ABCA4: variants seen among roughly 807,000 people sequenced by gnomAD.
ABCA4 encodes the protein retinal-specific phospholipid-transporting ATPase ABCA4.
ABCA4 carries 196 observed loss-of-function variants against 263.7 expected under a neutral mutation model. That is an observed-to-expected ratio of 0.74 (90% CI 0.66 to 0.84). The LOEUF (loss-of-function observed/expected upper bound fraction) is 0.84. Ranked by LOEUF, ABCA4 falls within the 40% of genes least tolerant of loss-of-function variation. ABCA4 has a pLI of 0.00. For missense variants in ABCA4, 2,792 were observed against 2,855.1 expected (o/e 0.98, Z 0.50); for synonymous variants, 1,133 against 1,094.2 (o/e 1.04, Z -0.70).
chr1:94,033,085 G>A (rs1196515964), intron 26 of ABCA4, among the ~76,000 whole-genome samples: 1 of 152,146 alleles, frequency 6.6e-6, no homozygotes, highest in Non-Finnish European at 1.5e-5. Flanking sequence ...TAAATTTGGG[G>A]AAGTGACTCA....
intron 38 of ABCA4, among the ~76,000 whole-genome samples, chr1:94,012,131 G>A (rs959492858): frequency 2.6e-4 from 39 of 152,154 alleles, no homozygotes; most frequent in African/African-American, 8.4e-4. Context: ...GGCCACTGCT[G>A]TCCATTCCAT....
intron 4 of ABCA4, among the ~76,000 whole-genome samples, chr1:94,107,942 T>G (rs553545200): frequency 6.3e-4 from 96 of 152,148 alleles, no homozygotes; most frequent in African/African-American, 2.2e-3. Flanking sequence ...TCATCTGCCT[T>G]CTCATCCTTC....
At chr1:94,090,501 C>T (rs1404161241) in intron 6 of ABCA4, among the ~76,000 whole-genome samples, 1 of 152,102 alleles carries the variant, frequency 6.6e-6, no homozygotes, top group Non-Finnish European at 1.5e-5. Context: ...TCACTCTACC[C>T]CTACTGGCCA....
intron 47 of ABCA4, among the ~76,000 whole-genome samples, chr1:93,999,040 C>A (rs1453763536): frequency 1.3e-5 from 2 of 148,666 alleles, no homozygotes; most frequent in Middle Eastern, 3.7e-3. Context: ...CATGAGCCAC[C>A]ACGCCCAGCC....
intron 1 of ABCA4, among the ~76,000 whole-genome samples, chr1:94,115,875 T>C (rs1360519949): frequency 6.6e-6 from 1 of 152,144 alleles, no homozygotes; most frequent in Non-Finnish European, 1.5e-5. Context: ...AACTCCCCAG[T>C]TGCCAACTTG....
At chr1:94,022,725 G>A (rs1413676201) in intron 32 of ABCA4, among the ~76,000 whole-genome samples, 1 of 152,204 alleles carries the variant, frequency 6.6e-6, no homozygotes, top group East Asian at 1.9e-4. Flanking sequence ...CAGAGGAGGA[G>A]CTCTTTCTCA....
intron 6 of ABCA4, among the ~76,000 whole-genome samples, chr1:94,097,252 C>G (rs904610453): frequency 2.0e-5 from 3 of 152,122 alleles, no homozygotes; most frequent in Non-Finnish European, 4.4e-5. Flanking sequence ...CCCACCCTGA[C>G]GAGCTGGGAA....
chr1:94,070,534 A>G (rs1661374625), intron 11 of ABCA4, among the ~76,000 whole-genome samples: 1 of 152,220 alleles, frequency 6.6e-6, no homozygotes, highest in Admixed American at 6.5e-5. Flanking sequence ...ATGAGCGTCT[A>G]TTCTATGTGA....
chr1:94,088,040 T>C (rs943980424), intron 6 of ABCA4, among the ~76,000 whole-genome samples: 4 of 152,156 alleles, frequency 2.6e-5, no homozygotes, highest in Admixed American at 6.5e-5. Context: ...ATTCCCACAT[T>C]CTTTTAAGCA....
At position 94,021,259 on chromosome 1, in the gene ABCA4, G is replaced by T. The variant is rs61753018; in HGVS notation, c.4999C>A (p.Gln1667Lys). 1 of 1,614,114 alleles carries T rather than the reference G, an allele frequency of 6.2e-7. No homozygotes were observed. Among genetic ancestry groups the T allele is most frequent in the Non-Finnish European group, 8.5e-7 (1 of 1,180,042 alleles). Residue 1667 changes from glutamine to lysine, a missense_variant, in exon 35 of 50, where the codon CAG (glutamine) becomes AAG (lysine). Gln to Lys is a moderately conservative substitution (Grantham distance 53, BLOSUM62 1). Coordinates refer to ENST00000370225, the MANE Select transcript of ABCA4 (RefSeq NM_000350.3). ...ISQPLNLTKE[Q>K]LSEITVLTTS... ...GCTTACACTGTAATCTCTGAGAGCT[G>T]CTCCTTGGTCAGGTTCAGGGGTTGG...
chr1:94,022,637 T>A (rs1659934079), intron 32 of ABCA4, among the ~76,000 whole-genome samples: 1 of 152,152 alleles, frequency 6.6e-6, no homozygotes, highest in Non-Finnish European at 1.5e-5. Context: ...AGTGCATCAC[T>A]CCCTGGCCTC....
At chr1:94,019,538 T>C in intron 36 of ABCA4, 44 bp downstream of exon 36, 2 of 1,555,266 alleles carry the variant, frequency 1.3e-6, no homozygotes, top group South Asian at 2.4e-5. Context: ...AAGCTCCACC[T>C]TGGGCCCACG....
At position 93,996,158 on chromosome 1, in the gene ABCA4, T is replaced by C. The variant is rs201392741; in HGVS notation, c.6767A>G (p.His2256Arg). 2 of 1,614,094 alleles carry C rather than the reference T, an allele frequency of 1.2e-6. No homozygotes were observed. The highest frequency in any genetic ancestry group is 2.2e-5 in the East Asian group (1 of 44,884). The change falls in exon 49 of 50, where the codon CAT (histidine) becomes CGT (arginine). Residue 2256 changes from histidine to arginine, a missense_variant. Coordinates refer to ENST00000370225, the MANE Select transcript of ABCA4 (RefSeq NM_000350.3). ...VNFAKQQTESHDLPLHPRAAG... is the reference protein window; with the variant it reads ...VNFAKQQTESRDLPLHPRAAG... Reference sequence around the variant, plus strand: ...AGCTCGAGGGTGCAGAGGGAGGTCATGACTTTCAGTCTGCTGTTTAGCAAA... The same window carrying C: ...AGCTCGAGGGTGCAGAGGGAGGTCACGACTTTCAGTCTGCTGTTTAGCAAA...
intron 48 of ABCA4, among the ~76,000 whole-genome samples, chr1:93,997,280 C>T (rs979223471): frequency 1.3e-5 from 2 of 152,102 alleles, no homozygotes; most frequent in African/African-American, 4.8e-5. Flanking sequence ...TTTTTTGAGA[C>T]AGGGGCTTGC....
intron 6 of ABCA4, among the ~76,000 whole-genome samples, chr1:94,087,144 CA>C (rs776853218): frequency 2.0e-5 from 3 of 152,194 alleles, no homozygotes; most frequent in African/African-American, 4.8e-5. Context: ...CTCCTAATGC[CA>C]TCATCTTGGG....
intron 5 of ABCA4, among the ~76,000 whole-genome samples, chr1:94,100,377 C>T (rs751573422): frequency 8.5e-5 from 13 of 152,184 alleles, no homozygotes; most frequent in Non-Finnish European, 1.8e-4. Context: ...TGCTGGTAGG[C>T]ACTTTTACTA....
Position 94,104,979 on chromosome 1 carries a change from GCA to G in ABCA4, c.443-1839_443-1838del, listed in dbSNP as rs371706361. 4.4e-4 allele frequency among the ~76,000 whole-genome samples: 67 copies of G among 151,670 alleles called. 1 individual carries two copies. In the East Asian group the frequency reaches 0.011, roughly 26 times the overall value. ...CACACACACACGCATGCACACACAT[GCA>G]CACACACATGCACACATGCGCACAC... On this transcript the variant is annotated intron_variant, in intron 4 of 49. Transcript: ENST00000370225.
intron 49 of ABCA4, among the ~76,000 whole-genome samples, chr1:93,994,084 C>T (rs536712097): frequency 6.6e-6 from 1 of 152,126 alleles, no homozygotes; most frequent in Non-Finnish European, 1.5e-5. Flanking sequence ...GAAACTAACA[C>T]AAAGATACGA....
intron 4 of ABCA4, among the ~76,000 whole-genome samples, chr1:94,107,892 A>G (rs536405814): frequency 1.5e-4 from 23 of 152,100 alleles, no homozygotes; most frequent in Non-Finnish European, 2.9e-4. Flanking sequence ...TGAGACTTCT[A>G]TTCCCTTGCC....
Sources: allele counts gnomAD v4.1 joint callset (sites outside exome capture counted in the v4.1 genomes callset), GRCh38; gene constraint gnomAD v4.1.1; transcripts MANE v1.5; gene names NCBI Gene and HGNC (gene_info 2026-07-23, HGNC 2026-07-21).